Variants in DTD1 observed in about 807,000 individuals in gnomAD.
DTD1 encodes the protein D-aminoacyl-tRNA deacylase 1, also known as D-tyrosyl-tRNA deacylase 1 homolog.
Under a neutral mutation model 25.6 loss-of-function variants are expected in DTD1, and 13 were observed. That is an observed-to-expected ratio of 0.51 (90% CI 0.33 to 0.81). DTD1 has a LOEUF of 0.81. Ranked by LOEUF, DTD1 falls within the 30% of genes least tolerant of loss-of-function variation. DTD1 has a pLI of 0.02. For synonymous variants in DTD1, 110 were observed against 103.6 expected, an observed-to-expected ratio of 1.06 and a Z score of -0.37; for missense variants, 193 against 266.4, an observed-to-expected ratio of 0.72 and a Z score of 1.92.
intron 4 of DTD1, among the ~76,000 whole-genome samples, chr20:18,651,416 G>T (rs1476302986): frequency 6.6e-6 from 1 of 152,250 alleles, no homozygotes; most frequent in Non-Finnish European, 1.5e-5. Context: ...CTCCCAAAGT[G>T]CTGGGATTAT....
intron 3 of DTD1, among the ~76,000 whole-genome samples, chr20:18,611,587 G>T (rs569549788): frequency 6.6e-6 from 1 of 152,062 alleles, no homozygotes; most frequent in East Asian, 1.9e-4. Flanking sequence ...AGAGAAGATC[G>T]TTGTCCCCTT....
intron 3 of DTD1, among the ~76,000 whole-genome samples, chr20:18,618,148 A>G (rs1263147322): frequency 1.3e-5 from 2 of 152,154 alleles, no homozygotes; most frequent in African/African-American, 4.8e-5. Context: ...TAGGCACCGC[A>G]CCTTTCTGCA....
chr20:18,629,499 C>G (rs1266235336), intron 4 of DTD1, among the ~76,000 whole-genome samples: 1 of 151,744 alleles, frequency 6.6e-6, no homozygotes, highest in Admixed American at 6.6e-5. Flanking sequence ...GGAGTTTTAC[C>G]ATGTTGCCCA....
At chr20:18,758,027 C>A (rs1454328892) in intron 5 of DTD1, among the ~76,000 whole-genome samples, 1 of 152,146 alleles carries the variant, frequency 6.6e-6, no homozygotes, top group Non-Finnish European at 1.5e-5. Flanking sequence ...GGAATTTATC[C>A]ATTTCTTCTA....
At chr20:18,700,340 C>G (rs1372714885) in intron 4 of DTD1, among the ~76,000 whole-genome samples, 1 of 152,172 alleles carries the variant, frequency 6.6e-6, no homozygotes, top group Admixed American at 6.5e-5. Flanking sequence ...AGTGGCTCAT[C>G]ATTTGACTGT....
At chr20:18,705,638 A>G (rs1031419114) in intron 4 of DTD1, among the ~76,000 whole-genome samples, 1 of 151,508 alleles carries the variant, frequency 6.6e-6, no homozygotes, top group African/African-American at 2.4e-5. Context: ...GCTCAGAGGC[A>G]GAGGCCTCAG....
intron 5 of DTD1, among the ~76,000 whole-genome samples, chr20:18,758,839 C>G (rs944998212): frequency 6.6e-6 from 1 of 152,134 alleles, no homozygotes; most frequent in Admixed American, 6.5e-5. Context: ...GACTTTCTGT[C>G]TCGTTGATCT....
At chr20:18,659,893 C>T (rs2060902919) in intron 4 of DTD1, among the ~76,000 whole-genome samples, 1 of 151,412 alleles carries the variant, frequency 6.6e-6, no homozygotes, top group Admixed American at 6.6e-5. Flanking sequence ...GCACGTTCAG[C>T]ACATGTATCC....
At chr20:18,631,429 G>GA (rs764041126) in intron 4 of DTD1, 19 of 985,794 alleles carry the variant, frequency 1.9e-5, no homozygotes, top group Non-Finnish European at 2.3e-5. Context: ...CAGCTTCCTG[G>GA]AAGCCTCTGT....
intron 4 of DTD1, among the ~76,000 whole-genome samples, chr20:18,698,115 T>C (rs2061086808): frequency 6.6e-6 from 1 of 152,366 alleles, no homozygotes; most frequent in Non-Finnish European, 1.5e-5. Flanking sequence ...AGTAAAACTT[T>C]AGCAAATCAC....
intron 4 of DTD1, among the ~76,000 whole-genome samples, chr20:18,663,100 C>T (rs1257953328): frequency 1.3e-5 from 2 of 152,270 alleles, no homozygotes; most frequent in East Asian, 3.9e-4. Flanking sequence ...GTGTTAACCT[C>T]TCTATTAACA....
intron 4 of DTD1, among the ~76,000 whole-genome samples, chr20:18,720,857 C>CA (rs1281705919): frequency 2.0e-5 from 3 of 151,820 alleles, no homozygotes; most frequent in Middle Eastern, 6.8e-3. Flanking sequence ...AACCCTGTCT[C>CA]AAAAAAAATT....
rs547552384 is a variant in DTD1 at position 18,617,872 on chromosome 20, CTTCT to C, written c.371-10248_371-10245del. Reference sequence around the variant, plus strand: ...TTCTTTTCATACCAGTTCATAGAGACTTCTTTCTTTTTTTTTCTCTTCTATTCTG... The same window carrying C: ...TTCTTTTCATACCAGTTCATAGAGACTTCTTTTTTTTTCTCTTCTATTCTG... On this transcript the variant is annotated intron_variant, in intron 3 of 5. Transcript: ENST00000377452. 5.9e-5 allele frequency among the ~76,000 whole-genome samples: 9 copies of C among 152,198 alleles called. No homozygotes were observed. In the East Asian group the frequency reaches 1.2e-3, roughly 20 times the overall value.
At chr20:18,709,253 A>G (rs893458675) in intron 4 of DTD1, among the ~76,000 whole-genome samples, 2 of 152,142 alleles carry the variant, frequency 1.3e-5, no homozygotes, top group Non-Finnish European at 2.9e-5. Context: ...CCAGGGTTTT[A>G]TATTGGCAGC....
intron 4 of DTD1, among the ~76,000 whole-genome samples, chr20:18,676,497 G>A (rs563246828): frequency 9.8e-5 from 15 of 152,290 alleles, no homozygotes; most frequent in African/African-American, 3.4e-4. Context: ...GGCAACTCAA[G>A]TGGAAACCCA....
chr20:18,591,709 C>G (rs1351952643), intron 1 of DTD1, among the ~76,000 whole-genome samples: 3 of 151,852 alleles, frequency 2.0e-5, no homozygotes, highest in Non-Finnish European at 4.4e-5. Flanking sequence ...TTTTTTAAAA[C>G]ATACTTTGGG....
chr20:18,634,980 A>T (rs913163840), intron 4 of DTD1, among the ~76,000 whole-genome samples: 1 of 152,156 alleles, frequency 6.6e-6, no homozygotes, highest in African/African-American at 2.4e-5. Flanking sequence ...GTTGCTAATA[A>T]CTTTGCATCT....
intron 4 of DTD1, among the ~76,000 whole-genome samples, chr20:18,676,357 T>C (rs1170935707): frequency 6.6e-6 from 1 of 152,080 alleles, no homozygotes; most frequent in Non-Finnish European, 1.5e-5. Context: ...AAAAATGAGG[T>C]GATAGAGCAA....
chr20:18,635,178 C>T (rs187438378), intron 4 of DTD1, among the ~76,000 whole-genome samples: 1 of 152,344 alleles, frequency 6.6e-6, no homozygotes, highest in Admixed American at 6.5e-5. Context: ...GTAGCCAGAT[C>T]TTGTCAATTA....
Sources: allele counts gnomAD v4.1 joint callset (sites outside exome capture counted in the v4.1 genomes callset), GRCh38; gene constraint gnomAD v4.1.1; transcripts MANE v1.5; gene names NCBI Gene and HGNC (gene_info 2026-07-23, HGNC 2026-07-21).